Variants in ZBBX observed in about 807,000 individuals in gnomAD.
ZBBX encodes zinc finger B-box domain-containing protein 1.
Under a neutral mutation model 108.5 loss-of-function variants are expected in ZBBX, and 101 were observed. That is an observed-to-expected ratio of 0.93 (90% confidence interval 0.79 to 1.10). ZBBX has a LOEUF of 1.10. ZBBX is among the 50% of genes least tolerant of loss of function. The pLI is 0.00. For synonymous variants in ZBBX, 356 were observed against 323.4 expected, an observed-to-expected ratio of 1.10 and a Z score of -1.08; for missense variants, 1,009 against 941.4, an observed-to-expected ratio of 1.07 and a Z score of -0.94.
At chr3:167,308,029 C>G (rs1733962295) in intron 16 of ZBBX, among the ~76,000 whole-genome samples, 1 of 152,132 alleles carries the variant, frequency 6.6e-6, no homozygotes, top group Non-Finnish European at 1.5e-5. Context: ...AACGGACAAA[C>G]TACAGAATGG....
downstream of ZBBX, among the ~76,000 whole-genome samples, chr3:167,239,730 G>A (rs141486082): frequency 3.9e-5 from 6 of 152,030 alleles, no homozygotes; most frequent in African/African-American, 1.4e-4. Flanking sequence ...GCTGTGCAAA[G>A]GGATGGTGCC....
At chr3:167,269,548 C>A (rs1726166524) in intron 20 of ZBBX, among the ~76,000 whole-genome samples, 1 of 152,182 alleles carries the variant, frequency 6.6e-6, no homozygotes, top group Admixed American at 6.5e-5. Flanking sequence ...CAGATTCCCA[C>A]AATCCACATC....
chr3:167,318,110 C>T lies in ZBBX; in HGVS notation c.984-513G>A, dbSNP rs1366364971. 2.0e-5 allele frequency among the ~76,000 whole-genome samples: 3 copies of T among 151,946 alleles called. No homozygotes were observed. In the South Asian group the frequency reaches 6.2e-4, roughly 31 times the overall value. The stretch of plus-strand genomic sequence containing the variant: ...ATTACTTAATTAACAATGAAGACTG[C>T]TGCAGCCCATTTCATATGGAAGGCA... On this transcript the variant is annotated intron_variant, in intron 12 of 21. Coordinates refer to ENST00000675490, the MANE Select transcript of ZBBX (RefSeq NM_001199201.2).
chr3:167,201,385 T>C, the ZBBX span, among the ~76,000 whole-genome samples: 1 of 152,052 alleles, frequency 6.6e-6, no homozygotes, highest in Non-Finnish European at 1.5e-5. Context: ...CAAGACCCTC[T>C]ATCCTTCTTT....
At chr3:167,294,144 C>T (rs2108145047) in intron 18 of ZBBX, among the ~76,000 whole-genome samples, 1 of 152,246 alleles carries the variant, frequency 6.6e-6, no homozygotes, top group Non-Finnish European at 1.5e-5. Flanking sequence ...AGATTCAATC[C>T]TATCCCCATC....
intron 10 of ZBBX, 117 bp from the exon 11 acceptor site, chr3:167,328,233 C>T (rs139149661): frequency 4.0e-6 from 4 of 992,250 alleles, no homozygotes; most frequent in Non-Finnish European, 5.8e-6. Context: ...TATTAGTCAT[C>T]ACAAATCAGA....
chr3:167,265,044 C>T (rs1725230764), intron 20 of ZBBX, among the ~76,000 whole-genome samples: 3 of 152,216 alleles, frequency 2.0e-5, no homozygotes, highest in Admixed American at 2.0e-4. Flanking sequence ...ACTTCAGGTC[C>T]CCACGAACCT....
At chr3:167,345,205 T>G (rs1447767008) in intron 9 of ZBBX, among the ~76,000 whole-genome samples, 1 of 151,854 alleles carries the variant, frequency 6.6e-6, no homozygotes, top group Non-Finnish European at 1.5e-5. Context: ...GGTACAATGT[T>G]AAGCACTGAG....
chr3:167,395,672 T>G (rs1748212774), intron 1 of ZBBX, among the ~76,000 whole-genome samples: 1 of 152,000 alleles, frequency 6.6e-6, no homozygotes. Context: ...AGTGATGCAT[T>G]CTCACTTCCA....
chr3:167,242,484 T>G lies in ZBBX; in HGVS notation c.2393+21A>C, dbSNP rs199804656. 3.8e-6 allele frequency: 6 copies of G among 1,579,094 alleles called. No homozygotes were observed. The East Asian group carries it at 1.3e-4, about 36-fold the overall frequency. ...TTTTACTACATACTATATTAATAAA[T>G]AAACTGCAGGCTTAACTTACCTCAA... is the stretch of plus-strand genomic sequence containing the variant. On this transcript the variant is annotated intron_variant, in intron 21 of 21. Transcript: ENST00000675490.
chr3:167,182,147 T>C, the ZBBX span, among the ~76,000 whole-genome samples: 1 of 152,186 alleles, frequency 6.6e-6, no homozygotes, highest in Non-Finnish European at 1.5e-5. Flanking sequence ...TTTTTTAGTG[T>C]GACCATGCTT....
chr3:167,244,897 T>C (rs957656144), intron 20 of ZBBX, among the ~76,000 whole-genome samples: 2 of 152,164 alleles, frequency 1.3e-5, no homozygotes, highest in Non-Finnish European at 2.9e-5. Flanking sequence ...AGATAAAATA[T>C]AGAGTTCTAA....
intron 10 of ZBBX, among the ~76,000 whole-genome samples, chr3:167,331,394 T>C (rs1046745110): frequency 6.6e-6 from 1 of 152,160 alleles, no homozygotes; most frequent in South Asian, 2.1e-4. Flanking sequence ...AATATGTCAG[T>C]GTATGTATGT....
intron 20 of ZBBX, chr3:167,252,182 T>C (rs751474189): frequency 3.6e-5 from 47 of 1,289,714 alleles, no homozygotes; most frequent in East Asian, 3.3e-4. Context: ...TTGTTTTTCA[T>C]AGAACTTAGA....
At chr3:167,281,886 G>T (rs1728871533) in intron 20 of ZBBX, among the ~76,000 whole-genome samples, 1 of 152,122 alleles carries the variant, frequency 6.6e-6, no homozygotes, top group African/African-American at 2.4e-5. Context: ...TTCCAATAAG[G>T]ATATTGAACA....
chr3:167,269,226 G>T (rs564838746), intron 20 of ZBBX, among the ~76,000 whole-genome samples: 1 of 152,114 alleles, frequency 6.6e-6, no homozygotes, highest in Non-Finnish European at 1.5e-5. Context: ...TTCAGGGGCC[G>T]CTCGCTCCTC....
At chr3:167,266,647 G>A (rs1411177964) in intron 20 of ZBBX, among the ~76,000 whole-genome samples, 4 of 152,180 alleles carry the variant, frequency 2.6e-5, no homozygotes, top group East Asian at 3.9e-4. Flanking sequence ...TAGGGATGAC[G>A]TTAAGGGTAT....
intron 11 of ZBBX, among the ~76,000 whole-genome samples, chr3:167,326,940 G>T (rs1737493651): frequency 6.6e-6 from 1 of 151,852 alleles, no homozygotes; most frequent in Non-Finnish European, 1.5e-5. Context: ...TGGCAAGTAA[G>T]ATACATGATT....
the ZBBX span, among the ~76,000 whole-genome samples, chr3:167,225,319 C>CA: frequency 1.3e-5 from 2 of 151,838 alleles, no homozygotes; most frequent in African/African-American, 4.8e-5. Flanking sequence ...GAGCACTTTG[C>CA]AAAACACTTA....
Sources: gnomAD v4.1 joint callset for allele counts (sites outside exome capture counted in the v4.1 genomes callset) on GRCh38, gnomAD v4.1.1 for gene constraint, MANE v1.5 for transcripts, NCBI Gene and HGNC (gene_info 2026-07-23, HGNC 2026-07-21) for gene names.